Variants in CHL1 observed in about 807,000 individuals in gnomAD.
CHL1 encodes neural cell adhesion molecule L1-like protein.
Under a neutral mutation model 141.9 loss-of-function variants are expected in CHL1, and 96 were observed. The ratio of observed to expected loss-of-function variants is 0.68; its 90% CI spans 0.57 to 0.80. The LOEUF is 0.80. Among genes scored for constraint, CHL1 ranks in the 30% least tolerant of loss-of-function variants. CHL1 has a pLI of 0.00. For missense variants in CHL1, 1,820 were observed against 1,457.2 expected (o/e 1.25, Z -4.05); for synonymous variants, 613 against 502.2 (o/e 1.22, Z -2.95).
intron 2 of CHL1, among the ~76,000 whole-genome samples, chr3:253,481 C>A (rs1285457473): frequency 3.9e-5 from 6 of 152,098 alleles, no homozygotes; most frequent in Non-Finnish European, 7.4e-5. Flanking sequence ...GTAGCTGGTT[C>A]CCTCTCTACC....
In CHL1 at chr3:320,544, G is replaced by A. The variant is rs563955746; in HGVS notation, c.91+677G>A. On this transcript the variant is annotated intron_variant, in intron 3 of 27. Coordinates refer to ENST00000256509, the MANE Select transcript of CHL1 (RefSeq NM_006614.4). ...TTAAAAAAATAGATCAGCATCAGCA[G>A]GACATGGTGACACATGACTGTAGTC... is the stretch of plus-strand genomic sequence containing the variant. Among the ~76,000 whole-genome samples the A allele has an allele frequency of 4.6e-5, 7 of 152,110 alleles. No individual in the cohort carries two copies. The East Asian group carries it at 1.2e-3, about 25-fold the overall frequency.
chr3:297,593 T>C (rs1698309082), intron 2 of CHL1, among the ~76,000 whole-genome samples: 1 of 152,200 alleles, frequency 6.6e-6, no homozygotes, highest in Non-Finnish European at 1.5e-5. Context: ...ATACAATACT[T>C]CAAACACCGT....
intron 2 of CHL1, among the ~76,000 whole-genome samples, chr3:291,393 T>C (rs528252568): frequency 5.9e-5 from 9 of 152,076 alleles, no homozygotes; most frequent in Non-Finnish European, 1.2e-4. Context: ...AGTTTTATTA[T>C]ACAATTTTTC....
At chr3:346,827 A>G (rs1341989002) in intron 9 of CHL1, among the ~76,000 whole-genome samples, 2 of 152,152 alleles carry the variant, frequency 1.3e-5, no homozygotes, top group Non-Finnish European at 2.9e-5. Flanking sequence ...TTAACCTCCT[A>G]TAGTAACAAA....
chr3:311,663 A>T (rs953496078), intron 2 of CHL1, among the ~76,000 whole-genome samples: 19 of 152,198 alleles, frequency 1.2e-4, no homozygotes, highest in Admixed American at 6.5e-4. Flanking sequence ...GCCATGTGGG[A>T]TGCTCCAGGA....
chr3:223,792 C>A (rs1701078643), intron 1 of CHL1, among the ~76,000 whole-genome samples: 1 of 152,016 alleles, frequency 6.6e-6, no homozygotes, highest in South Asian at 2.1e-4. Context: ...GTTTGGTAGG[C>A]AGGGGGCTAG....
In CHL1 at chr3:328,189, A is replaced by C; in HGVS notation, c.220A>C (p.Asn74His). 6.2e-7 allele frequency: 1 copy of C among 1,606,894 alleles called. No homozygotes were observed. Among genetic ancestry groups the C allele is most frequent in the Non-Finnish European group, 8.5e-7 (1 of 1,176,292 alleles). ...TAGATTTTCGTGGACTAAGGATGGC[A>C]ACCCTTTTTATTTCACTGACCATCG... The part of the protein sequence containing the change: ...EPTFSWTKDG[N>H]PFYFTDHRII... Residue 74 changes from asparagine (N) to histidine (H), a missense_variant, in exon 5 of 28, where the codon AAC becomes CAC. Asn to His is a moderately conservative substitution (Grantham distance 68, BLOSUM62 1). Coordinates refer to ENST00000256509, the MANE Select transcript of CHL1 (RefSeq NM_006614.4).
At chr3:294,513 G>T (rs1698004144) in intron 2 of CHL1, among the ~76,000 whole-genome samples, 1 of 152,108 alleles carries the variant, frequency 6.6e-6, no homozygotes. Context: ...CCACAAACAG[G>T]TTATACCAAG....
intron 10 of CHL1, among the ~76,000 whole-genome samples, chr3:349,848 A>G (rs1011462555): frequency 3.9e-5 from 6 of 152,218 alleles, no homozygotes; most frequent in Non-Finnish European, 7.3e-5. Flanking sequence ...TGTAATACAC[A>G]TATACATTTC....
In CHL1 at chr3:405,502, G is replaced by T. The variant is rs867400572; in HGVS notation, c.3466G>T (p.Asp1156Tyr). The change falls in exon 28 of 28, where the codon GAT becomes TAT. Residue 1156 changes from aspartate to tyrosine, a missense_variant. Transcript: ENST00000256509. ...DETFGEYSDS[D>Y]EKPLKGSLRS... ...TGTTTGTTTGTTTTCTAGTGACAGT[G>T]ATGAAAAGCCTCTCAAAGGAAGCCT... 6.2e-7 allele frequency: 1 copy of T among 1,610,042 alleles called. No homozygotes were observed.
At chr3:205,273 G>A (rs747081203) in intron 1 of CHL1, among the ~76,000 whole-genome samples, 18 of 151,748 alleles carry the variant, frequency 1.2e-4, no homozygotes, top group Non-Finnish European at 1.9e-4. Flanking sequence ...ATCATGTCTG[G>A]CTAATTTTTA....
chr3:219,019 G>T (rs1700581511), intron 1 of CHL1, among the ~76,000 whole-genome samples: 1 of 151,934 alleles, frequency 6.6e-6, no homozygotes, highest in South Asian at 2.1e-4. Context: ...CATGGTGGCG[G>T]GCACCTGTAG....
chr3:347,478 C>G (rs1352438730), intron 9 of CHL1, among the ~76,000 whole-genome samples: 1 of 152,162 alleles, frequency 6.6e-6, no homozygotes, highest in Non-Finnish European at 1.5e-5. Flanking sequence ...TAAATTATAT[C>G]TCATTTTCAC....
chr3:252,361 GAT>G (rs71058760), intron 2 of CHL1, among the ~76,000 whole-genome samples: 1,563 of 54,200 alleles, frequency 0.029, 13 homozygotes, highest in East Asian at 0.046. Context: ...AAAGCATCCA[GAT>G]ATATATATAT....
chr3:403,930 T>A (rs1453412176), intron 27 of CHL1, among the ~76,000 whole-genome samples: 1 of 152,246 alleles, frequency 6.6e-6, no homozygotes, highest in Non-Finnish European at 1.5e-5. Context: ...CCTCAGCCGA[T>A]GCCTCATTGT....
At chr3:294,387 A>T (rs1158675978) in intron 2 of CHL1, among the ~76,000 whole-genome samples, 1 of 152,194 alleles carries the variant, frequency 6.6e-6, no homozygotes, top group Non-Finnish European at 1.5e-5. Context: ...GAGTTCATTG[A>T]GTTAACGAGG....
intron 2 of CHL1, among the ~76,000 whole-genome samples, chr3:302,856 C>A (rs1698878266): frequency 6.6e-6 from 1 of 152,204 alleles, no homozygotes; most frequent in South Asian, 2.1e-4. Context: ...AGGTTTTCTT[C>A]TAGAGTTTTT....
chr3:396,774 A>T (rs939678642), intron 24 of CHL1, among the ~76,000 whole-genome samples: 1 of 152,112 alleles, frequency 6.6e-6, no homozygotes, highest in Admixed American at 6.6e-5. Flanking sequence ...ACTGATTTCT[A>T]TTCTATAGGC....
At chr3:199,823 G>C (rs114506283) in intron 1 of CHL1, among the ~76,000 whole-genome samples, 363 of 152,280 alleles carry the variant, frequency 2.4e-3, no homozygotes, top group African/African-American at 8.1e-3. Context: ...AAATAATTTA[G>C]CCTGATTCGC....
Sources: allele counts gnomAD v4.1 joint callset (sites outside exome capture counted in the v4.1 genomes callset), GRCh38; gene constraint gnomAD v4.1.1; transcripts MANE v1.5; gene names NCBI Gene and HGNC (gene_info 2026-07-23, HGNC 2026-07-21).